ASMTL: variants seen among roughly 807,000 people sequenced by gnomAD.
ASMTL encodes the protein acetylserotonin O-methyltransferase like, also known as probable bifunctional dTTP/UTP pyrophosphatase/methyltransferase protein.
In ASMTL, 57 loss-of-function variants were observed where a neutral mutation model predicts 60.3. That is an observed-to-expected ratio of 0.95 (90% CI 0.76 to 1.18). The LOEUF (loss-of-function observed/expected upper bound fraction) is 1.18. Ranked by LOEUF, ASMTL falls within the 50% of genes most tolerant of loss-of-function variation. The probability of loss-of-function intolerance (pLI) is 0.00; values close to 1 mark genes in which losing one functional copy is unlikely to be tolerated. For missense variants in ASMTL, 981 were observed against 852.6 expected (o/e 1.15, Z -1.88); for synonymous variants, 419 against 373.0 (o/e 1.12, Z -1.42).
chrX:1,428,157 G>T, intron 6 of ASMTL, 36 bp from the exon 7 acceptor site: 1 of 1,569,762 alleles, frequency 6.4e-7, no homozygotes. Context: ...GTGACAAGGA[G>T]GAGAAAAGTT....
intron 4 of ASMTL, 174 bp from the exon 5 acceptor site, chrX:1,435,257 C>G: frequency 1.4e-6 from 1 of 711,790 alleles, no homozygotes. Flanking sequence ...TACGGAGAGG[C>G]CGAGGGAAGG....
intron 6 of ASMTL, 100 bp from the exon 7 acceptor site, chrX:1,428,221 C>T (rs1276717896): frequency 3.3e-5 from 47 of 1,435,446 alleles, no homozygotes; most frequent in Non-Finnish European, 4.2e-5. Flanking sequence ...ATCACGAGGT[C>T]GGGAGATCGA....
intron 11 of ASMTL, among the ~76,000 whole-genome samples, chrX:1,416,468 C>CATGCACAGATGGACACACAG (rs1569532105): frequency 1.2e-4 from 16 of 135,852 alleles, no homozygotes; most frequent in Non-Finnish European, 2.4e-4. Flanking sequence ...GACACGCAGA[C>CATGCACAGATGGACACACAG]ACACATGGAC....
At chrX:1,449,633 C>T (rs1291884061) in intron 1 of ASMTL, among the ~76,000 whole-genome samples, 1 of 148,786 alleles carries the variant, frequency 6.7e-6, no homozygotes, top group African/African-American at 2.4e-5. Context: ...CCAGTAACTA[C>T]CTCACATCAC....
At chrX:1,440,463 C>T (rs1358756290) in intron 2 of ASMTL, among the ~76,000 whole-genome samples, 5 of 152,178 alleles carry the variant, frequency 3.3e-5, no homozygotes, top group Non-Finnish European at 7.3e-5. Context: ...GCTACATTAA[C>T]TCTATATCCT....
intron 7 of ASMTL, among the ~76,000 whole-genome samples, chrX:1,427,243 C>T (rs1336173240): frequency 6.7e-6 from 1 of 148,938 alleles, no homozygotes; most frequent in Non-Finnish European, 1.5e-5. Context: ...GCAGGAAGGA[C>T]CCTCCCCTGG....
At chrX:1,426,119 C>T (rs1381513415) in intron 7 of ASMTL, among the ~76,000 whole-genome samples, 2 of 152,050 alleles carry the variant, frequency 1.3e-5, no homozygotes, top group Non-Finnish European at 2.9e-5. Flanking sequence ...GACACAGACA[C>T]ACACACAGGG....
rs6645296 is a variant in ASMTL at position 1,436,595 on chromosome X, A to G, written c.274-837T>C. ...TCTCGATCTCCTGACCTTGTGATCC[A>G]CCCGCCTCGGCCTCCCAAAGTGCTG... is the stretch of plus-strand genomic sequence containing the variant. On this transcript the variant is annotated intron_variant, in intron 3 of 12. Transcript: ENST00000381317. 1.1e-4 allele frequency among the ~76,000 whole-genome samples: 17 copies of G among 151,950 alleles called. No homozygotes were observed. The East Asian group carries it at 1.4e-3, about 12-fold the overall frequency.
Position 1,434,743 on chromosome X carries a change from T to A in ASMTL, c.400+279A>T, listed in dbSNP as rs2090914760. On this transcript the variant is annotated intron_variant, in intron 5 of 12. Coordinates refer to ENST00000381317, the MANE Select transcript of ASMTL (RefSeq NM_004192.4). The stretch of plus-strand genomic sequence containing the variant: ...TTGGGAGGCGGAGGTTGCAGTGAGC[T>A]GAGATCGTGCCACTGCCCTCCAGCC... Among the ~76,000 whole-genome samples, 5 of 146,700 alleles carry A rather than the reference T, an allele frequency of 3.4e-5. No individual in the cohort carries two copies. In the South Asian group the frequency reaches 1.1e-3, roughly 31 times the overall value.
At chrX:1,431,136 T>TA (rs2090766088) in intron 6 of ASMTL, among the ~76,000 whole-genome samples, 1 of 125,456 alleles carries the variant, frequency 8.0e-6, no homozygotes, top group African/African-American at 3.3e-5. Flanking sequence ...CATTTTATAA[T>TA]TATATATATA....
At chrX:1,420,260 ACTCTAT>A (rs1219484498) in intron 9 of ASMTL, among the ~76,000 whole-genome samples, 3 of 131,588 alleles carry the variant, frequency 2.3e-5, no homozygotes, top group Admixed American at 7.4e-5. Flanking sequence ...TGTCTGTCTC[ACTCTAT>A]CTCTGTCTCT....
intron 1 of ASMTL, among the ~76,000 whole-genome samples, chrX:1,451,646 G>C (rs1167525924): frequency 7.9e-6 from 1 of 126,984 alleles, no homozygotes; most frequent in African/African-American, 3.1e-5. Flanking sequence ...CCCTAGGGGG[G>C]TCCCGGGTCA....
chrX:1,417,467 A>C (rs2090330850), intron 11 of ASMTL, among the ~76,000 whole-genome samples: 1 of 151,074 alleles, frequency 6.6e-6, no homozygotes, highest in Non-Finnish European at 1.5e-5. Context: ...ACGTGCACAC[A>C]CAGTTACATA....
chrX:1,403,435 T>C lies in ASMTL; in HGVS notation c.1700A>G (p.Gln567Arg), dbSNP rs2089669377. 3 of 1,613,124 alleles carry C rather than the reference T, an allele frequency of 1.9e-6. No individual in the cohort carries two copies. The highest frequency in any genetic ancestry group is 2.5e-6 in the Non-Finnish European group (3 of 1,179,864). The change falls in exon 13 of 13, where the codon CAG (glutamine) becomes CGG (arginine). Residue 567 changes from glutamine to arginine, a missense_variant. Physicochemically the swap from Gln to Arg is conservative, Grantham distance 43 (BLOSUM62 1). Coordinates refer to ENST00000381317, the MANE Select transcript of ASMTL (RefSeq NM_004192.4). ...TLLDEEKRVA[Q>R]RALMQSLNML... The stretch of plus-strand genomic sequence containing the variant: ...GTTCAGTGACTGCATCAGGGCGCGC[T>C]GCGCCACCCTCTTCTCCTCATCCAG...
At chrX:1,405,994 AGATGGATGTATGGATGT>A (rs1291875228) in intron 12 of ASMTL, among the ~76,000 whole-genome samples, 1 of 147,600 alleles carries the variant, frequency 6.8e-6, no homozygotes, top group Non-Finnish European at 1.5e-5. Context: ...ATGGATGGAT[AGATGGATGTATGGATGT>A]GATGGATGGG....
intron 1 of ASMTL, 93 bp downstream of exon 1, chrX:1,452,655 C>A (rs780156597): frequency 1.9e-6 from 2 of 1,055,478 alleles, no homozygotes; most frequent in Non-Finnish European, 2.7e-6. Flanking sequence ...GTCACTCTCC[C>A]ATCCCTATCC....
chrX:1,437,376 A>G lies in ASMTL; in HGVS notation c.274-1618T>C, dbSNP rs781710200. ...AGACTGGGTGGCTTATAAACAGCAG[A>G]CATTGATTCTTCCATAATCCTGGAG... is the stretch of plus-strand genomic sequence containing the variant. On this transcript the variant is annotated intron_variant, in intron 3 of 12. Transcript: ENST00000381317. Among the ~76,000 whole-genome samples, 16 of 143,892 alleles carry G rather than the reference A, an allele frequency of 1.1e-4. No individual in the cohort carries two copies. The South Asian group carries it at 1.3e-3, about 12-fold the overall frequency. 94.4% of individuals were successfully genotyped at this position (143,892 alleles called of 152,430 possible). A position where few individuals can be genotyped will look rare whatever the true frequency, so the allele number is the denominator to read the frequency against.
At chrX:1,405,732 AGATGGATG>A (rs373703853) in intron 12 of ASMTL, among the ~76,000 whole-genome samples, 2 of 150,076 alleles carry the variant, frequency 1.3e-5, no homozygotes, top group African/African-American at 4.9e-5. Flanking sequence ...TGTATGGATG[AGATGGATG>A]GATGGGTGAA....
intron 2 of ASMTL, 138 bp from the exon 3 acceptor site, chrX:1,439,282 A>G (rs56200635): frequency 0.093 from 74,131 of 798,022 alleles, 3,832 homozygotes; most frequent in East Asian, 0.12. Context: ...GGGGGTGCTC[A>G]AGGTCACGAG....
Sources: allele counts gnomAD v4.1 joint callset (sites outside exome capture counted in the v4.1 genomes callset), GRCh38; gene constraint gnomAD v4.1.1; transcripts MANE v1.5; gene names NCBI Gene and HGNC (gene_info 2026-07-23, HGNC 2026-07-21).